OSTF1: variants seen among roughly 807,000 people sequenced by gnomAD.
OSTF1 encodes osteoclast-stimulating factor 1.
A neutral mutation model predicts 37.2 loss-of-function variants in OSTF1; 27 were observed. The ratio of observed to expected loss-of-function variants is 0.73; its 90% confidence interval spans 0.54 to 1.00. The LOEUF (loss-of-function observed/expected upper bound fraction) is 1.00. Ranked by LOEUF, OSTF1 falls within the 50% of genes least tolerant of loss-of-function variation. OSTF1 has a pLI of 0.00. For missense variants in OSTF1, 232 were observed against 253.8 expected, an observed-to-expected ratio of 0.91 and a Z score of 0.58; for synonymous variants, 82 against 89.2, an observed-to-expected ratio of 0.92 and a Z score of 0.46.
chr9:75,107,932 G>A (rs1274642752), intron 1 of OSTF1, among the ~76,000 whole-genome samples: 1 of 152,038 alleles, frequency 6.6e-6, no homozygotes, highest in Non-Finnish European at 1.5e-5. Context: ...TGGATTTACT[G>A]TTACCTTAAT....
At position 75,117,648 on chromosome 9, in the gene OSTF1, A is replaced by G. The variant is rs147496214; in HGVS notation, c.81+98A>G. 3.2e-4 allele frequency: 279 copies of G among 881,024 alleles called. 1 individual carries two copies. In the African/African-American group the frequency reaches 4.3e-3, roughly 14 times the overall value. 54.6% of individuals were successfully genotyped at this position (881,024 alleles called of 1,614,324 possible). A position where few individuals can be genotyped will look rare whatever the true frequency, so the allele number is the denominator to read the frequency against. On this transcript the variant is annotated intron_variant, in intron 2 of 9. Coordinates refer to ENST00000346234, the MANE Select transcript of OSTF1 (RefSeq NM_012383.5). The stretch of plus-strand genomic sequence containing the variant: ...GTGTGAATGGTCTGCCTTTTCTTTG[A>G]TAGACCTAGGTAATTCTCAGGAATG...
At chr9:75,089,203 G>C (rs1454777530) in intron 1 of OSTF1, among the ~76,000 whole-genome samples, 2 of 151,760 alleles carry the variant, frequency 1.3e-5, no homozygotes, top group Non-Finnish European at 2.9e-5. Context: ...AGCCTCCCTC[G>C]GGACTTAAGC....
intron 1 of OSTF1, among the ~76,000 whole-genome samples, chr9:75,102,644 T>A (rs1325656237): frequency 6.6e-6 from 1 of 152,184 alleles, no homozygotes; most frequent in Non-Finnish European, 1.5e-5. Context: ...GCATGTTGAT[T>A]GACTGGACAT....
At chr9:75,137,767 GATAAA>G (rs1825866927) in intron 8 of OSTF1, 151 bp downstream of exon 8, 2 of 569,970 alleles carry the variant, frequency 3.5e-6, no homozygotes, top group African/African-American at 1.9e-5. Flanking sequence ...GAATAGTTAT[GATAAA>G]ATAAAATTAT....
chr9:75,141,607 A>G (rs1587480550), intron 9 of OSTF1, among the ~76,000 whole-genome samples: 3 of 152,346 alleles, frequency 2.0e-5, no homozygotes, highest in East Asian at 3.9e-4. Flanking sequence ...AATAACATTT[A>G]ATAGCTCCAT....
rs1825507429 is a variant in OSTF1, at chr9:75,117,372, C to T, written c.35-132C>T. 5 of 618,310 alleles carry T rather than the reference C, an allele frequency of 8.1e-6. No homozygotes were observed. The South Asian group carries it at 9.0e-5, about 11-fold the overall frequency. The allele number at this position is 618,310 out of a possible 1,614,324, so 38.3% of individuals were successfully genotyped here. A position where few individuals can be genotyped will look rare whatever the true frequency, so the allele number is the denominator to read the frequency against. On this transcript the variant is annotated intron_variant, in intron 1 of 9. Coordinates refer to ENST00000346234, the MANE Select transcript of OSTF1 (RefSeq NM_012383.5). ...TTCCTTTCTCTCTACCCTTTCCAGCCTCTAGTATCCTCTGTTCTACTTGAT... is the reference window on the plus strand; with the variant it reads ...TTCCTTTCTCTCTACCCTTTCCAGCTTCTAGTATCCTCTGTTCTACTTGAT...
chr9:75,145,322 CCTACCTACCTAT>C (rs1826006982), intron 9 of OSTF1, among the ~76,000 whole-genome samples: 2 of 152,118 alleles, frequency 1.3e-5, no homozygotes, highest in East Asian at 3.8e-4. Flanking sequence ...CATCTCTTCA[CCTACCTACCTAT>C]CTACCTACCT....
At chr9:75,125,616 C>T (rs1825649504) in intron 2 of OSTF1, among the ~76,000 whole-genome samples, 3 of 152,130 alleles carry the variant, frequency 2.0e-5, no homozygotes, top group Admixed American at 2.0e-4. Flanking sequence ...AGAAAGTTAC[C>T]TTTTAAAGGA....
chr9:75,125,773 TATAATA>T (rs1825651822), intron 2 of OSTF1, among the ~76,000 whole-genome samples: 1 of 152,358 alleles, frequency 6.6e-6, no homozygotes, highest in African/African-American at 2.4e-5. Context: ...GAGAAATAGT[TATAATA>T]AGAATGTAGA....
intron 1 of OSTF1, among the ~76,000 whole-genome samples, chr9:75,089,298 A>G (rs1247797257): frequency 6.6e-6 from 1 of 150,724 alleles, no homozygotes; most frequent in East Asian, 1.9e-4. Context: ...GGTGGAAAGA[A>G]TCTAGGATGC....
intron 8 of OSTF1, among the ~76,000 whole-genome samples, chr9:75,140,577 GAAA>G (rs778258111): frequency 1.3e-5 from 2 of 152,206 alleles, no homozygotes; most frequent in African/African-American, 2.4e-5. Context: ...ACTCCTCACT[GAAA>G]AGTTCACATG....
At chr9:75,142,610 C>G (rs1825960508) in intron 9 of OSTF1, among the ~76,000 whole-genome samples, 1 of 152,094 alleles carries the variant, frequency 6.6e-6, no homozygotes, top group African/African-American at 2.4e-5. Context: ...ATGAGCCTTT[C>G]TGCAGCCTTC....
chr9:75,127,733 T>C (rs2118562988), intron 3 of OSTF1, 114 bp downstream of exon 3: 2 of 586,284 alleles, frequency 3.4e-6, no homozygotes, highest in South Asian at 4.6e-5. Flanking sequence ...ACAAGTCTGT[T>C]CATTTTAGCA....
intron 2 of OSTF1, 96 bp downstream of exon 2, chr9:75,117,646 TG>T: frequency 2.2e-6 from 2 of 890,014 alleles, no homozygotes; most frequent in South Asian, 2.9e-5. Context: ...GCCTTTTCTT[TG>T]ATAGACCTAG....
chr9:75,108,768 A>G (rs2118464612), intron 1 of OSTF1, among the ~76,000 whole-genome samples: 1 of 152,226 alleles, frequency 6.6e-6, no homozygotes, highest in Admixed American at 6.5e-5. Flanking sequence ...TAGCTTACTA[A>G]TGTGCTGGCA....
chr9:75,146,521 T>C (rs1826027380), intron 9 of OSTF1, among the ~76,000 whole-genome samples, 162 bp from the exon 10 acceptor site: 3 of 152,216 alleles, frequency 2.0e-5, no homozygotes, highest in African/African-American at 4.8e-5. Flanking sequence ...AACTTAATGG[T>C]TAGGCTGAAA....
At chr9:75,139,027 C>CTTTCTTTCT (rs566366498) in intron 8 of OSTF1, among the ~76,000 whole-genome samples, 22 of 120,552 alleles carry the variant, frequency 1.8e-4, no homozygotes, top group Admixed American at 3.4e-4. Flanking sequence ...TTTGGGGACA[C>CTTTCTTTCT]TTCTTTCTTT....
chr9:75,108,422 C>A (rs1166156491), intron 1 of OSTF1, among the ~76,000 whole-genome samples: 1 of 150,150 alleles, frequency 6.7e-6, no homozygotes, highest in Non-Finnish European at 1.5e-5. Flanking sequence ...CAATTTTTCC[C>A]CAAGAAAATT....
intron 8 of OSTF1, among the ~76,000 whole-genome samples, chr9:75,137,825 T>C (rs1825867444): frequency 6.6e-6 from 1 of 152,234 alleles, no homozygotes. Context: ...ACTAAAACCA[T>C]GGCAAGCTTT....
Sources: allele counts gnomAD v4.1 joint callset (sites outside exome capture counted in the v4.1 genomes callset), GRCh38; gene constraint gnomAD v4.1.1; transcripts MANE v1.5; gene names NCBI Gene and HGNC (gene_info 2026-07-23, HGNC 2026-07-21).